Variants in KIRREL3 observed in about 807,000 individuals in gnomAD.
KIRREL3 encodes the protein kin of IRRE-like protein 3.
KIRREL3 carries 36 observed loss-of-function variants against 89.7 expected under a neutral mutation model. That is an observed-to-expected ratio of 0.40 (90% CI 0.31 to 0.53). The LOEUF (loss-of-function observed/expected upper bound fraction) is 0.53, where lower values mean the gene tolerates loss of function less well. Ranked by LOEUF, KIRREL3 falls within the 20% of genes least tolerant of loss-of-function variation. The pLI is 0.49. For synonymous variants in KIRREL3, 445 were observed against 441.4 expected, an observed-to-expected ratio of 1.01 and a Z score of -0.10; for missense variants, 864 against 1,056.6, an observed-to-expected ratio of 0.82 and a Z score of 2.53.
intron 1 of KIRREL3, among the ~76,000 whole-genome samples, chr11:126,949,129 G>T (rs1482459404): frequency 6.6e-6 from 1 of 152,160 alleles, no homozygotes; most frequent in African/African-American, 2.4e-5. Context: ...TTCATATATT[G>T]CCTCAGCTTT....
In KIRREL3 at chr11:126,896,175, G is replaced by A. The variant is rs902721976; in HGVS notation, c.55+104280C>T. Among the ~76,000 whole-genome samples, 1 of 152,204 alleles carries A rather than the reference G, an allele frequency of 6.6e-6. No individual in the cohort carries two copies. The highest frequency in any genetic ancestry group is 1.5e-5 in the Non-Finnish European group (1 of 68,038). On this transcript the variant is annotated intron_variant, in intron 1 of 16. Coordinates refer to ENST00000525144, the MANE Select transcript of KIRREL3 (RefSeq NM_032531.4). This position sits in a 1 kb window ranked among gnomAD's most constrained non-coding sequence, Gnocchi z 4.1. The stretch of plus-strand genomic sequence containing the variant: ...AAAAGCTGGACCTGTTAAAGGCAAG[G>A]CCTTCATTAGTCAGAGAGAAGTCAT...
In KIRREL3 at chr11:126,684,809, C is replaced by T. The variant is rs958927985; in HGVS notation, c.56-121897G>A. Among the ~76,000 whole-genome samples the T allele has an allele frequency of 1.2e-4, 19 of 152,152 alleles. No individual in the cohort carries two copies. Among genetic ancestry groups the T allele is most frequent in the Non-Finnish European group, 2.1e-4 (14 of 68,018 alleles). Reference sequence around the variant, plus strand: ...AAGAAAGGAAAGGTGCGGCAGGTTGCGTGTGCGGGAGGGGAGAGGTAGTGT... The same window carrying T: ...AAGAAAGGAAAGGTGCGGCAGGTTGTGTGTGCGGGAGGGGAGAGGTAGTGT... On this transcript the variant is annotated intron_variant, in intron 1 of 16. Coordinates refer to ENST00000525144, the MANE Select transcript of KIRREL3 (RefSeq NM_032531.4). This position sits in a 1 kb window ranked among gnomAD's most constrained non-coding sequence, Gnocchi z 4.2.
intron 1 of KIRREL3, among the ~76,000 whole-genome samples, chr11:126,693,292 G>T (rs541996288): frequency 3.4e-4 from 52 of 152,202 alleles, no homozygotes; most frequent in African/African-American, 1.2e-3. Context: ...GTGGTGGCGC[G>T]CACCTGTAAT....
chr11:126,528,063 T>A lies in KIRREL3; in HGVS notation c.134-1376A>T, dbSNP rs1333922129. The stretch of plus-strand genomic sequence containing the variant: ...AGAAACCAGGATCAGAGAGGCACAG[T>A]AACCTGCCCAAGGTCACGCAGCTAA... On this transcript the variant is annotated intron_variant, in intron 2 of 16. Coordinates refer to ENST00000525144, the MANE Select transcript of KIRREL3 (RefSeq NM_032531.4). This position sits in a 1 kb window ranked among gnomAD's most constrained non-coding sequence, Gnocchi z 4.6. 6.6e-6 allele frequency among the ~76,000 whole-genome samples: 1 copy of A among 152,202 alleles called. No homozygotes were observed. The highest frequency in any genetic ancestry group is 2.4e-5 in the African/African-American group (1 of 41,454).
rs562730289 is a variant in KIRREL3 at position 126,900,351 on chromosome 11, C to T, written c.55+100104G>A. On this transcript the variant is annotated intron_variant, in intron 1 of 16. Coordinates refer to ENST00000525144, the MANE Select transcript of KIRREL3 (RefSeq NM_032531.4). This position sits in a 1 kb window ranked among gnomAD's most constrained non-coding sequence, Gnocchi z 4.4. ...AGTCTTCCTTGAGTGCAAGCAGTTC[C>T]GGCTTGTGAGAAATTCAGAGAAGTC... Among the ~76,000 whole-genome samples the T allele has an allele frequency of 1.5e-4, 23 of 152,064 alleles. No homozygotes were observed. The highest frequency in any genetic ancestry group is 2.5e-4 in the Non-Finnish European group (17 of 68,010).
In KIRREL3 at chr11:126,898,157, C is replaced by G. The variant is rs539071425; in HGVS notation, c.55+102298G>C. 6.6e-6 allele frequency among the ~76,000 whole-genome samples: 1 copy of G among 152,036 alleles called. No individual in the cohort carries two copies. Among genetic ancestry groups the G allele is most frequent in the Non-Finnish European group, 1.5e-5 (1 of 68,026 alleles). On this transcript the variant is annotated intron_variant, in intron 1 of 16. Coordinates refer to ENST00000525144, the MANE Select transcript of KIRREL3 (RefSeq NM_032531.4). The surrounding 1 kb of genome is among the most constrained non-coding windows in gnomAD (Gnocchi z 4.9). Reference sequence around the variant, plus strand: ...TCTCTGATGCCACAGTCGCCTATCTCGTGGACAGGTGGAAGTAAAGAGTTA... The same window carrying G: ...TCTCTGATGCCACAGTCGCCTATCTGGTGGACAGGTGGAAGTAAAGAGTTA...
At position 126,650,754 on chromosome 11, in the gene KIRREL3, C is replaced by T. The variant is rs923066346; in HGVS notation, c.56-87842G>A. ...TCTAACCTCTCCCTGTTGCCAAGTTCCAAAGTCACTTCCACATCTTTGGGT... is the reference window on the plus strand; with the variant it reads ...TCTAACCTCTCCCTGTTGCCAAGTTTCAAAGTCACTTCCACATCTTTGGGT... On this transcript the variant is annotated intron_variant, in intron 1 of 16. Transcript: ENST00000525144. Among the ~76,000 whole-genome samples, 22 of 152,290 alleles carry T rather than the reference C, an allele frequency of 1.4e-4. No individual in the cohort carries two copies. The South Asian group carries it at 4.6e-3, about 32-fold the overall frequency.
rs77075738 is a variant in KIRREL3, at chr11:126,924,105, C to T, written c.55+76350G>A. 0.019 allele frequency among the ~76,000 whole-genome samples: 2,883 copies of T among 152,266 alleles called. 102 individuals are homozygous for T. The highest frequency in any genetic ancestry group is 0.13 in the East Asian group (694 of 5,158). ...TCTCTATTCCCAGTACTCGTCATAGCGCCTTGTAGACACTTGATAAGCAGT... is the reference window on the plus strand; with the variant it reads ...TCTCTATTCCCAGTACTCGTCATAGTGCCTTGTAGACACTTGATAAGCAGT... On this transcript the variant is annotated intron_variant, in intron 1 of 16. Transcript: ENST00000525144. This position sits in a 1 kb window ranked among gnomAD's most constrained non-coding sequence, Gnocchi z 4.7.
rs1948407452 is a variant in KIRREL3 at position 126,940,599 on chromosome 11, C to T, written c.55+59856G>A. 3 of 152,022 alleles carry T rather than the reference C, an allele frequency of 2.0e-5. No homozygotes were observed. The South Asian group carries it at 6.2e-4, about 32-fold the overall frequency. The allele number at this position is 152,022 out of a possible 1,614,324, so 9.4% of individuals were successfully genotyped here. A position where few individuals can be genotyped will look rare whatever the true frequency, so the allele number is the denominator to read the frequency against. ...GTGTGTGTGTGTCTGTGGGTGCATG[C>T]ATTTTCACCCTTCTCAGCCATACCT... is the stretch of plus-strand genomic sequence containing the variant. On this transcript the variant is annotated intron_variant, in intron 1 of 16. Transcript: ENST00000525144. The surrounding 1 kb of genome is among the most constrained non-coding windows in gnomAD (Gnocchi z 4.6).
At chr11:126,468,601 A>G (rs1256779727) in intron 5 of KIRREL3, among the ~76,000 whole-genome samples, 1 of 152,176 alleles carries the variant, frequency 6.6e-6, no homozygotes, top group Non-Finnish European at 1.5e-5. Flanking sequence ...CACAGAGAGA[A>G]TGGTCGGTGA....
At position 126,535,814 on chromosome 11, in the gene KIRREL3, G is replaced by A. The variant is rs663337; in HGVS notation, c.134-9127C>T. Among the ~76,000 whole-genome samples the A allele has an allele frequency of 3.3e-5, 5 of 151,886 alleles. No homozygotes were observed. The highest frequency in any genetic ancestry group is 4.8e-5 in the African/African-American group (2 of 41,328). On this transcript the variant is annotated intron_variant, in intron 2 of 16. Coordinates refer to ENST00000525144, the MANE Select transcript of KIRREL3 (RefSeq NM_032531.4). The surrounding 1 kb of genome is among the most constrained non-coding windows in gnomAD (Gnocchi z 4.5). Reference sequence around the variant, plus strand: ...AGCCTGACCAACATGGTGAAACCCCGTCTCTACTAAAAATACAAAAATTAG... The same window carrying A: ...AGCCTGACCAACATGGTGAAACCCCATCTCTACTAAAAATACAAAAATTAG...
chr11:126,541,310 G>A lies in KIRREL3; in HGVS notation c.134-14623C>T, dbSNP rs1331429025. Among the ~76,000 whole-genome samples the A allele has an allele frequency of 6.6e-6, 1 of 152,138 alleles. No homozygotes were observed. The highest frequency in any genetic ancestry group is 1.5e-5 in the Non-Finnish European group (1 of 68,028). On this transcript the variant is annotated intron_variant, in intron 2 of 16. Coordinates refer to ENST00000525144, the MANE Select transcript of KIRREL3 (RefSeq NM_032531.4). The surrounding 1 kb of genome is among the most constrained non-coding windows in gnomAD (Gnocchi z 4.8). ...GGCCTGACTCTTTAACTAAGACTCA[G>A]ATGCCTTATCTGTAAAATGCAAGGT...
chr11:126,517,093 G>C (rs956927639), intron 4 of KIRREL3, among the ~76,000 whole-genome samples: 1 of 146,206 alleles, frequency 6.8e-6, no homozygotes, highest in African/African-American at 2.5e-5. Flanking sequence ...AACCAAAAAA[G>C]TGTATGACAC....
rs1547902 is a variant in KIRREL3, at chr11:126,883,768, C to G, written c.55+116687G>C. On this transcript the variant is annotated intron_variant, in intron 1 of 16. Transcript: ENST00000525144. This position sits in a 1 kb window ranked among gnomAD's most constrained non-coding sequence, Gnocchi z 4.1. ...TTACACAGGCTGGATTTTCTAAAAGCTACTAAAAAAATGCTTGTTTGAAAT... is the reference window on the plus strand; with the variant it reads ...TTACACAGGCTGGATTTTCTAAAAGGTACTAAAAAAATGCTTGTTTGAAAT... Among the ~76,000 whole-genome samples, 93,669 of 151,966 alleles carry G rather than the reference C, an allele frequency of 0.62. 30,379 individuals carry two copies. Among genetic ancestry groups the G allele is most frequent in the African/African-American group, 0.82 (34,037 of 41,466 alleles).
intron 1 of KIRREL3, among the ~76,000 whole-genome samples, chr11:126,852,429 C>T (rs1040355601): frequency 1.3e-5 from 2 of 152,150 alleles, no homozygotes; most frequent in South Asian, 2.1e-4. Flanking sequence ...CTCTTAAGCC[C>T]ATTTGCATAA....
Position 126,993,450 on chromosome 11 carries a change from CTT to C in KIRREL3, c.55+7003_55+7004del, listed in dbSNP as rs1176906547. ...CTTTTCATGCTTCGTTTAGAGAACT[CTT>C]GAGCATCCTATAATATCAAGCATGA... On this transcript the variant is annotated intron_variant, in intron 1 of 16. Coordinates refer to ENST00000525144, the MANE Select transcript of KIRREL3 (RefSeq NM_032531.4). The surrounding 1 kb of genome is among the most constrained non-coding windows in gnomAD (Gnocchi z 6.1). 6.6e-6 allele frequency among the ~76,000 whole-genome samples: 1 copy of C among 152,220 alleles called. No individual in the cohort carries two copies. Among genetic ancestry groups the C allele is most frequent in the African/African-American group, 2.4e-5 (1 of 41,448 alleles).
Position 126,508,369 on chromosome 11 carries a change from C to T in KIRREL3, c.433+12946G>A, listed in dbSNP as rs987108933. ...AGAGGCTCAGAGTGATGGAGAAAGA[C>T]GCGGCAGGTGGCCGCCCAGAGGATG... On this transcript the variant is annotated intron_variant, in intron 4 of 16. Coordinates refer to ENST00000525144, the MANE Select transcript of KIRREL3 (RefSeq NM_032531.4). The surrounding 1 kb of genome is among the most constrained non-coding windows in gnomAD (Gnocchi z 4.9). 3.3e-5 allele frequency among the ~76,000 whole-genome samples: 5 copies of T among 152,086 alleles called. No individual in the cohort carries two copies. The highest frequency in any genetic ancestry group is 7.3e-5 in the Non-Finnish European group (5 of 68,028).
intron 1 of KIRREL3, among the ~76,000 whole-genome samples, chr11:126,858,594 CAG>C (rs1944611599): frequency 6.6e-6 from 1 of 152,160 alleles, no homozygotes; most frequent in Non-Finnish European, 1.5e-5. Context: ...ATTCACAAGG[CAG>C]ACTCATATTT....
chr11:126,747,250 C>T lies in KIRREL3; in HGVS notation c.56-184338G>A, dbSNP rs1327943881. ...CTCTGCCCTGACAAGTTGTAACCCT[C>T]AGTAAATAACACAATCAGTGTATAC... is the stretch of plus-strand genomic sequence containing the variant. On this transcript the variant is annotated intron_variant, in intron 1 of 16. Transcript: ENST00000525144. This position sits in a 1 kb window ranked among gnomAD's most constrained non-coding sequence, Gnocchi z 4.7. Among the ~76,000 whole-genome samples the T allele has an allele frequency of 6.6e-6, 1 of 152,222 alleles. No individual in the cohort carries two copies. Among genetic ancestry groups the T allele is most frequent in the Non-Finnish European group, 1.5e-5 (1 of 68,040 alleles).
Sources: gnomAD v4.1 joint callset for allele counts (sites outside exome capture counted in the v4.1 genomes callset) on GRCh38, gnomAD v4.1.1 for gene constraint, Gnocchi (gnomAD v3.1) non-coding constraint, MANE v1.5 for transcripts, NCBI Gene and HGNC (gene_info 2026-07-23, HGNC 2026-07-21) for gene names.